COL10A1: variants seen among roughly 807,000 people sequenced by gnomAD.
The protein encoded by COL10A1 is collagen alpha-1(X) chain.
A neutral mutation model predicts 18.2 loss-of-function variants in COL10A1; 10 were observed. The observed-to-expected ratio is 0.55, with a 90% CI of 0.34 to 0.93. The LOEUF is 0.93. Among genes scored for constraint, COL10A1 ranks in the 40% least tolerant of loss-of-function variants. The pLI is 0.02. For missense variants in COL10A1, 897 were observed against 853.5 expected (o/e 1.05, Z -0.64); for synonymous variants, 330 against 316.6 (o/e 1.04, Z -0.45).
intron 1 of COL10A1, among the ~76,000 whole-genome samples, chr6:116,147,521 A>G (rs1779929273): frequency 6.6e-6 from 1 of 152,184 alleles, no homozygotes; most frequent in African/African-American, 2.4e-5. Flanking sequence ...CTATAGTCCT[A>G]ATATATAAGA....
At chr6:116,193,900 C>CA in the COL10A1 span, among the ~76,000 whole-genome samples, 63 of 151,902 alleles carry the variant, frequency 4.1e-4, no homozygotes, top group Non-Finnish European at 2.1e-4. Context: ...GCAAAAAATA[C>CA]AAAAAATACA....
intron 1 of COL10A1, 69 bp from the exon 2 acceptor site, chr6:116,125,576 C>T: frequency 7.2e-7 from 1 of 1,391,610 alleles, no homozygotes; most frequent in Non-Finnish European, 1.0e-6. Context: ...TCATGTTTCA[C>T]AGATGAGTTC....
Position 116,121,976 on chromosome 6 carries a change from C to T in COL10A1, c.155-15G>A, listed in dbSNP as rs754634259. ...TACTGCTATACCTAAAAGACACACC[C>T]AACACACCCACCCATAGAAGGGGAT... On this transcript the variant is annotated splice_polypyrimidine_tract_variant and intron_variant, in intron 2 of 2. Transcript: ENST00000651968. The T allele has an allele frequency of 1.9e-6, 3 of 1,606,196 alleles. No homozygotes were observed. The highest frequency in any genetic ancestry group is 1.1e-5 in the South Asian group (1 of 90,908).
At chr6:116,163,776 C>T in the COL10A1 span, among the ~76,000 whole-genome samples, 1 of 152,086 alleles carries the variant, frequency 6.6e-6, no homozygotes, top group African/African-American at 2.4e-5. Context: ...CTTAACACTG[C>T]TTTTGCTGTA....
At chr6:116,205,532 T>C in the COL10A1 span, among the ~76,000 whole-genome samples, 5 of 152,008 alleles carry the variant, frequency 3.3e-5, no homozygotes, top group Non-Finnish European at 1.5e-5. Flanking sequence ...TACACAGATA[T>C]ACAGAGCATC....
At chr6:116,142,254 C>T (rs1211462798) in intron 1 of COL10A1, among the ~76,000 whole-genome samples, 1 of 151,418 alleles carries the variant, frequency 6.6e-6, no homozygotes, top group Admixed American at 6.6e-5. Flanking sequence ...GACAAAACAC[C>T]ATAAACTATT....
the COL10A1 span, among the ~76,000 whole-genome samples, chr6:116,166,171 G>A: frequency 6.6e-6 from 1 of 152,142 alleles, no homozygotes; most frequent in Non-Finnish European, 1.5e-5. Context: ...CAATCTCTGC[G>A]AGACTCTTGC....
the COL10A1 span, among the ~76,000 whole-genome samples, chr6:116,186,190 G>A: frequency 6.6e-6 from 1 of 152,008 alleles, no homozygotes; most frequent in Non-Finnish European, 1.5e-5. Context: ...GAGAACAAAG[G>A]TAGGACCCCA....
chr6:116,199,149 C>T, the COL10A1 span, among the ~76,000 whole-genome samples: 1 of 151,968 alleles, frequency 6.6e-6, no homozygotes, highest in Non-Finnish European at 1.5e-5. Context: ...AGTCAAAAGC[C>T]GTAATGTATA....
chr6:116,202,349 C>A, the COL10A1 span, among the ~76,000 whole-genome samples: 1 of 151,940 alleles, frequency 6.6e-6, no homozygotes, highest in Non-Finnish European at 1.5e-5. Flanking sequence ...TTTTGGCCCA[C>A]TTAAATCTAA....
chr6:116,168,172 A>G, the COL10A1 span, among the ~76,000 whole-genome samples: 2 of 150,024 alleles, frequency 1.3e-5, no homozygotes, highest in East Asian at 3.9e-4. Flanking sequence ...ATTCTGAGCC[A>G]TTATCTCTAA....
the COL10A1 span, among the ~76,000 whole-genome samples, chr6:116,178,052 AGTGTGTGTGT>A: frequency 0.033 from 4,491 of 136,416 alleles, 245 homozygotes; most frequent in African/African-American, 0.11. Flanking sequence ...CAAAGAGGAA[AGTGTGTGTGT>A]GTGTGTGTGT....
At chr6:116,141,633 A>G (rs1334206156) in intron 1 of COL10A1, among the ~76,000 whole-genome samples, 2 of 151,886 alleles carry the variant, frequency 1.3e-5, no homozygotes, top group African/African-American at 4.8e-5. Context: ...AGAATTTCTG[A>G]TTCTAGGTTT....
chr6:116,192,788 C>T, the COL10A1 span, among the ~76,000 whole-genome samples: 7 of 151,980 alleles, frequency 4.6e-5, no homozygotes, highest in Non-Finnish European at 7.4e-5. Flanking sequence ...TCCTCTATTA[C>T]GATTTCCTCC....
upstream of COL10A1, among the ~76,000 whole-genome samples, chr6:116,159,602 G>A (rs1780282402): frequency 2.0e-5 from 3 of 152,194 alleles, no homozygotes; most frequent in Non-Finnish European, 4.4e-5. Flanking sequence ...GCTCCCTGCA[G>A]CACACACAAC....
chr6:116,131,972 A>G (rs1041658769), intron 1 of COL10A1, among the ~76,000 whole-genome samples: 2 of 152,206 alleles, frequency 1.3e-5, no homozygotes, highest in African/African-American at 2.4e-5. Flanking sequence ...AATGGCCTCC[A>G]GCACCACATG....
chr6:116,120,886 A>T lies in COL10A1; in HGVS notation c.1230T>A (p.Gly410=), dbSNP rs1476515377. The change falls in exon 3 of 3, where the codon GGT becomes GGA. Residue 410 remains glycine, a synonymous_variant. Coordinates refer to ENST00000651968, the MANE Select transcript of COL10A1 (RefSeq NM_000493.4). ...CAGGAGGTCCTCCAACTCCAGGATC[A>T]CCTTTTGGACCTGGTAACCCTGGGT... ...KGNPGLPGPK[G]DPGVGGPPGL... is the part of the protein sequence containing the mutation. The T allele has an allele frequency of 6.2e-7, 1 of 1,613,514 alleles. No individual in the cohort carries two copies. Among genetic ancestry groups the T allele is most frequent in the African/African-American group, 1.3e-5 (1 of 74,872 alleles).
the COL10A1 span, among the ~76,000 whole-genome samples, chr6:116,211,077 T>C: frequency 6.6e-6 from 1 of 152,060 alleles, no homozygotes; most frequent in Admixed American, 6.6e-5. Context: ...TTTGCTTGTC[T>C]TAAAACACTT....
the COL10A1 span, among the ~76,000 whole-genome samples, chr6:116,193,376 A>C: frequency 6.6e-6 from 1 of 152,100 alleles, no homozygotes; most frequent in African/African-American, 2.4e-5. Context: ...GTGTGTTAGA[A>C]AGCTGTGGTG....
Sources: gnomAD v4.1 joint callset for allele counts (sites outside exome capture counted in the v4.1 genomes callset) on GRCh38, gnomAD v4.1.1 for gene constraint, MANE v1.5 for transcripts, NCBI Gene and HGNC (gene_info 2026-07-23, HGNC 2026-07-21) for gene names.